DGAT2L6: variants seen among roughly 807,000 people sequenced by gnomAD.
DGAT2L6 encodes the protein diacylglycerol O-acyltransferase 2 like 6, also known as diacylglycerol O-acyltransferase 2-like protein 6.
A neutral mutation model predicts 25.5 loss-of-function variants in DGAT2L6; 22 were observed. The ratio of observed to expected loss-of-function variants is 0.86; its 90% CI spans 0.62 to 1.23. The LOEUF (loss-of-function observed/expected upper bound fraction) is 1.23. Ranked by LOEUF, DGAT2L6 falls within the 50% of genes most tolerant of loss-of-function variation. The pLI is 0.00. For missense variants in DGAT2L6, 287 were observed against 253.2 expected, an observed-to-expected ratio of 1.13 and a Z score of -0.91; for synonymous variants, 100 against 94.7, an observed-to-expected ratio of 1.06 and a Z score of -0.32.
At chrX:70,196,304 C>A (rs1212487401) in intron 1 of DGAT2L6, among the ~76,000 whole-genome samples, 2 of 107,313 alleles carry the variant, frequency 1.9e-5, no homozygotes, top group Non-Finnish European at 1.9e-5. Flanking sequence ...ATAGCAAGAC[C>A]CTGTCTCTAC....
chrX:70,201,139 C>T (rs1237914742), intron 4 of DGAT2L6, among the ~76,000 whole-genome samples: 1 of 111,611 alleles, frequency 9.0e-6, no homozygotes, highest in Non-Finnish European at 1.9e-5. Context: ...AGGTAAGATA[C>T]ATTTCTGTGG....
intron 1 of DGAT2L6, among the ~76,000 whole-genome samples, chrX:70,188,831 A>G (rs2085366827): frequency 9.0e-6 from 1 of 110,660 alleles, no homozygotes; most frequent in Non-Finnish European, 1.9e-5. Flanking sequence ...AAATAAATCA[A>G]TGTAAACTAC....
rs760451314 is a variant in DGAT2L6 at position 70,202,076 on chromosome X, G to C, written c.647+12G>C. ...GCACTGCAAACAGGGTGGGTTCCAAGGTTCTAGTGCTCTGTTGTCAGGGTG... is the reference window on the plus strand; with the variant it reads ...GCACTGCAAACAGGGTGGGTTCCAACGTTCTAGTGCTCTGTTGTCAGGGTG... On this transcript the variant is annotated intron_variant, in intron 5 of 6. Transcript: ENST00000333026. The C allele has an allele frequency of 1.0e-5, 12 of 1,169,643 alleles. No individual in the cohort carries two copies. Among genetic ancestry groups the C allele is most frequent in the Admixed American group, 2.4e-5 (1 of 40,860 alleles).
In DGAT2L6 at chrX:70,197,730, C is replaced by T. The variant is rs368751807; in HGVS notation, c.86-1541C>T. Among the ~76,000 whole-genome samples the T allele has an allele frequency of 8.0e-5, 9 of 112,392 alleles. No homozygotes were observed. In the South Asian group the frequency reaches 3.3e-3, roughly 42 times the overall value. On this transcript the variant is annotated intron_variant, in intron 1 of 6. Coordinates refer to ENST00000333026, the MANE Select transcript of DGAT2L6 (RefSeq NM_198512.3). ...AACAAAATATAAAAGAAATGATACA[C>T]TTAGGCTAACTTTAATTAGTGATTA...
intron 5 of DGAT2L6, among the ~76,000 whole-genome samples, chrX:70,202,416 A>G (rs2085413897): frequency 8.9e-6 from 1 of 112,113 alleles, no homozygotes; most frequent in African/African-American, 3.3e-5. Flanking sequence ...TAGCTTTGAT[A>G]CCGTGAGGAT....
intron 1 of DGAT2L6, among the ~76,000 whole-genome samples, chrX:70,193,552 C>T (rs1181091475): frequency 8.9e-6 from 1 of 111,746 alleles, no homozygotes; most frequent in African/African-American, 3.3e-5. Context: ...GCGTACACCA[C>T]GATCAAGTGG....
intron 5 of DGAT2L6, among the ~76,000 whole-genome samples, chrX:70,202,829 C>T (rs964344843): frequency 4.5e-5 from 5 of 111,136 alleles, no homozygotes; most frequent in Non-Finnish European, 9.4e-5. Context: ...TCAAAATAAT[C>T]CAATGGCTCC....
At chrX:70,183,462 C>A (rs1460330185) in intron 1 of DGAT2L6, among the ~76,000 whole-genome samples, 1 of 111,987 alleles carries the variant, frequency 8.9e-6, no homozygotes, top group South Asian at 3.7e-4. Flanking sequence ...AAGACTATAT[C>A]GCCTCTGAAA....
intron 1 of DGAT2L6, among the ~76,000 whole-genome samples, chrX:70,196,581 G>C (rs1171931785): frequency 9.3e-6 from 1 of 107,624 alleles, no homozygotes; most frequent in Non-Finnish European, 1.9e-5. Flanking sequence ...CATGACATGA[G>C]GTTAGACAAA....
intron 5 of DGAT2L6, among the ~76,000 whole-genome samples, chrX:70,203,574 T>G (rs902143985): frequency 1.8e-5 from 2 of 111,374 alleles, no homozygotes; most frequent in African/African-American, 6.5e-5. Context: ...GATTCAAAGA[T>G]GAATATGACC....
intron 1 of DGAT2L6, among the ~76,000 whole-genome samples, chrX:70,196,747 C>T (rs767294951): frequency 7.2e-5 from 8 of 110,712 alleles, no homozygotes; most frequent in Non-Finnish European, 1.5e-4. Flanking sequence ...TTGCAAATCA[C>T]ATATCAGACA....
chrX:70,202,813 C>A (rs1368075491), intron 5 of DGAT2L6, among the ~76,000 whole-genome samples: 2 of 111,380 alleles, frequency 1.8e-5, no homozygotes, highest in Non-Finnish European at 3.8e-5. Context: ...CAGATCATGT[C>A]ACTTCTCAAA....
intron 1 of DGAT2L6, among the ~76,000 whole-genome samples, chrX:70,185,080 AT>A (rs1264328633): frequency 9.0e-6 from 1 of 110,712 alleles, no homozygotes; most frequent in African/African-American, 3.3e-5. Context: ...CTGGCTATTC[AT>A]TTCCTTCAGC....
intron 1 of DGAT2L6, among the ~76,000 whole-genome samples, chrX:70,182,531 G>C (rs2147601903): frequency 1.1e-5 from 1 of 90,922 alleles, no homozygotes; most frequent in Non-Finnish European, 2.1e-5. Flanking sequence ...CCAGGCTGGA[G>C]TGCAGTGGGG....
chrX:70,188,042 C>T (rs912182624), intron 1 of DGAT2L6, among the ~76,000 whole-genome samples: 10 of 111,552 alleles, frequency 9.0e-5, no homozygotes, highest in African/African-American at 3.3e-4. Context: ...TAAACTATGC[C>T]ATGTGAAACA....
chrX:70,191,876 T>G (rs1052770915), intron 1 of DGAT2L6, among the ~76,000 whole-genome samples: 1 of 111,365 alleles, frequency 9.0e-6, no homozygotes, highest in Non-Finnish European at 1.9e-5. Flanking sequence ...ACATTCAAAG[T>G]GCTAAAAGAT....
rs1193117284 is a variant in DGAT2L6, at chrX:70,204,384, A to C, written c.727A>C (p.Arg243=). Reference sequence around the variant, plus strand: ...GACCTTCCCTGAGGGCACGTGGTTAAGGTTGTTCCAAAAAACCTTCCAGGA... The same window carrying C: ...GACCTTCCCTGAGGGCACGTGGTTACGGTTGTTCCAAAAAACCTTCCAGGA... ...QETFPEGTWL[R]LFQKTFQDTF... is the part of the protein sequence containing the mutation. Residue 243 remains arginine, a synonymous_variant, in exon 6 of 7, where the codon AGG becomes CGG. Coordinates refer to ENST00000333026, the MANE Select transcript of DGAT2L6 (RefSeq NM_198512.3). 6 of 1,211,300 alleles carry C rather than the reference A, an allele frequency of 5.0e-6. No individual in the cohort carries two copies. Among genetic ancestry groups the C allele is most frequent in the Non-Finnish European group, 6.7e-6 (6 of 895,328 alleles).
At chrX:70,184,501 C>T (rs1413522758) in intron 1 of DGAT2L6, among the ~76,000 whole-genome samples, 1 of 109,275 alleles carries the variant, frequency 9.2e-6, no homozygotes, top group Non-Finnish European at 1.9e-5. Context: ...CTCTGTCTCC[C>T]AGGCTGAGGC....
chrX:70,203,378 A>G (rs1224243400), intron 5 of DGAT2L6, among the ~76,000 whole-genome samples: 1 of 112,273 alleles, frequency 8.9e-6, no homozygotes, highest in African/African-American at 3.2e-5. Context: ...GGAAATGTGT[A>G]CAAAGTGCCA....
Sources: allele counts gnomAD v4.1 joint callset (sites outside exome capture counted in the v4.1 genomes callset), GRCh38; gene constraint gnomAD v4.1.1; transcripts MANE v1.5; gene names NCBI Gene and HGNC (gene_info 2026-07-23, HGNC 2026-07-21).